The following PHAF1 variants were observed in gnomAD, a reference collection of about 807,000 sequenced individuals.
PHAF1 encodes phagosome assembly factor 1.
A neutral mutation model predicts 63.1 loss-of-function variants in PHAF1; 23 were observed. The observed-to-expected ratio is 0.36, with a 90% CI of 0.26 to 0.52. The LOEUF (loss-of-function observed/expected upper bound fraction) is 0.52. Among genes scored for constraint, PHAF1 ranks in the 20% least tolerant of loss-of-function variants. The pLI, the probability that PHAF1 is intolerant of heterozygous loss-of-function variation, is 0.93. For synonymous variants in PHAF1, 167 were observed against 185.0 expected (o/e 0.90, Z 0.79); for missense variants, 427 against 517.2 (o/e 0.83, Z 1.69).
chr16:67,144,272 G>A (rs770550364), intron 10 of PHAF1, 22 bp from the exon 11 acceptor site: 2 of 1,577,294 alleles, frequency 1.3e-6, no homozygotes, highest in South Asian at 2.2e-5. Context: ...CCCTCCTTGA[G>A]TACCCTTGTT....
Position 67,110,089 on chromosome 16 carries a change from G to A in PHAF1, c.-87G>A. On this transcript the variant is annotated 5_prime_UTR_variant, in exon 1 of 16. Transcript: ENST00000219139. ...GGGGCTGTGGCGGGCCGGCGGGGGCGGCCTGTCAGCCGCTGCTTTGTCTCC... is the reference window on the plus strand; with the variant it reads ...GGGGCTGTGGCGGGCCGGCGGGGGCAGCCTGTCAGCCGCTGCTTTGTCTCC... 7.1e-7 allele frequency: 1 copy of A among 1,407,198 alleles called. No homozygotes were observed. The highest frequency in any genetic ancestry group is 2.2e-5 in the Admixed American group (1 of 45,608). 87.2% of individuals were successfully genotyped at this position (1,407,198 alleles called of 1,614,324 possible). A position where few individuals can be genotyped will look rare whatever the true frequency, so the allele number is the denominator to read the frequency against.
chr16:67,126,109 G>A, intron 3 of PHAF1, 67 bp downstream of exon 3: 1 of 1,210,436 alleles, frequency 8.3e-7, no homozygotes, highest in Non-Finnish European at 1.2e-6. Flanking sequence ...TAATTAGTAT[G>A]TGCTATTGTG....
intron 8 of PHAF1, among the ~76,000 whole-genome samples, chr16:67,138,416 G>T (rs1042925671): frequency 6.6e-6 from 1 of 152,162 alleles, no homozygotes; most frequent in African/African-American, 2.4e-5. Context: ...TTACACATGA[G>T]AGAACTTTGA....
chr16:67,144,718 G>C, intron 11 of PHAF1, 116 bp from the exon 12 acceptor site: 1 of 1,218,760 alleles, frequency 8.2e-7, no homozygotes, highest in Non-Finnish European at 1.2e-6. Context: ...GGCACTCAGA[G>C]CCAGGGCTTT....
At chr16:67,116,805 G>A (rs575327942) in intron 1 of PHAF1, among the ~76,000 whole-genome samples, 137 of 152,148 alleles carry the variant, frequency 9.0e-4, no homozygotes, top group Middle Eastern at 6.8e-3. Flanking sequence ...AGCCAAGATT[G>A]CACCACTACA....
At chr16:67,143,963 GT>G (rs1963900793) in intron 10 of PHAF1, among the ~76,000 whole-genome samples, 1 of 152,046 alleles carries the variant, frequency 6.6e-6, no homozygotes, top group Non-Finnish European at 1.5e-5. Context: ...ACAGCCAGGC[GT>G]GGTGGTGGGC....
chr16:67,132,345 A>G (rs1597205494), intron 4 of PHAF1, 101 bp from the exon 5 acceptor site: 7 of 1,036,002 alleles, frequency 6.8e-6, no homozygotes. Flanking sequence ...TTAGAGACTC[A>G]CCTGCCTGTG....
intron 4 of PHAF1, 140 bp from the exon 5 acceptor site, chr16:67,132,306 C>T: frequency 1.4e-6 from 1 of 739,544 alleles, no homozygotes; most frequent in East Asian, 2.7e-5. Context: ...TTTAAAAGTT[C>T]TCTAATTAAG....
At position 67,110,116 on chromosome 16, in the gene PHAF1, T is replaced by C. The variant is rs1962446149; in HGVS notation, c.-60T>C. On this transcript the variant is annotated 5_prime_UTR_variant, in exon 1 of 16. Coordinates refer to ENST00000219139, the MANE Select transcript of PHAF1 (RefSeq NM_025187.5). ...CCTGTCAGCCGCTGCTTTGTCTCCT[T>C]AGCTCGGGTCCCTTCTGCGCTGCCG... is the stretch of plus-strand genomic sequence containing the variant. 1 of 1,536,810 alleles carries C rather than the reference T, an allele frequency of 6.5e-7. No homozygotes were observed. The highest frequency in any genetic ancestry group is 1.4e-5 in the African/African-American group (1 of 72,746).
intron 12 of PHAF1, 31 bp from the exon 13 acceptor site, chr16:67,145,345 A>G (rs750002772): frequency 1.2e-6 from 2 of 1,613,428 alleles, no homozygotes; most frequent in Non-Finnish European, 1.7e-6. Context: ...TGGGCCAGCT[A>G]CAAATCTGCC....
At chr16:67,133,145 G>T (rs572507258) in intron 6 of PHAF1, among the ~76,000 whole-genome samples, 1 of 152,266 alleles carries the variant, frequency 6.6e-6, no homozygotes, top group African/African-American at 2.4e-5. Context: ...AGTGAGGTCA[G>T]GCTCACTTTT....
At chr16:67,113,788 G>A (rs140868667) in intron 1 of PHAF1, among the ~76,000 whole-genome samples, 5,321 of 147,788 alleles carry the variant, frequency 0.036, 140 homozygotes, top group South Asian at 0.077. Context: ...TTACTCTGTC[G>A]CCCAGGCTGG....
At chr16:67,113,668 C>CA (rs1743721747) in intron 1 of PHAF1, among the ~76,000 whole-genome samples, 1 of 151,714 alleles carries the variant, frequency 6.6e-6, no homozygotes, top group African/African-American at 2.4e-5. Flanking sequence ...CCAGGATGGT[C>CA]TTGATCTCCT....
At chr16:67,136,112 T>A (rs968784412) in intron 8 of PHAF1, 1 of 152,204 alleles carries the variant, frequency 6.6e-6, no homozygotes, top group Non-Finnish European at 1.5e-5. Flanking sequence ...AAGACCAGCC[T>A]GACCAATATG....
intron 10 of PHAF1, among the ~76,000 whole-genome samples, chr16:67,143,256 G>A (rs768603273): frequency 7.2e-5 from 11 of 152,204 alleles, no homozygotes; most frequent in Non-Finnish European, 1.3e-4. Flanking sequence ...CAGGTGACTT[G>A]GCCAGCATGG....
Position 67,140,600 on chromosome 16 carries a change from T to C in PHAF1, c.879+6T>C, listed in dbSNP as rs1374301114. 1.3e-6 allele frequency: 2 copies of C among 1,564,914 alleles called. No homozygotes were observed. Among genetic ancestry groups the C allele is most frequent in the African/African-American group, 1.4e-5 (1 of 73,800 alleles). On this transcript the variant is annotated splice_donor_region_variant and intron_variant, in intron 10 of 15. Coordinates refer to ENST00000219139, the MANE Select transcript of PHAF1 (RefSeq NM_025187.5). Reference sequence around the variant, plus strand: ...ACTACTTCACTCTTGGAGTGGTAAGTTGTGATTCCTCAGAGAAGCCCTTCA... The same window carrying C: ...ACTACTTCACTCTTGGAGTGGTAAGCTGTGATTCCTCAGAGAAGCCCTTCA...
chr16:67,127,971 A>G (rs1402548978), intron 3 of PHAF1, among the ~76,000 whole-genome samples: 3 of 152,210 alleles, frequency 2.0e-5, no homozygotes, highest in Non-Finnish European at 4.4e-5. Context: ...TGGGCAACAA[A>G]AGGGATGTCC....
intron 3 of PHAF1, 76 bp downstream of exon 3, chr16:67,126,118 T>A: frequency 2.6e-6 from 3 of 1,151,416 alleles, no homozygotes; most frequent in Admixed American, 1.8e-5. Flanking sequence ...TGTGCTATTG[T>A]GAGATGTTTC....
In PHAF1 at chr16:67,144,380, A is replaced by C. The variant is rs1371200829; in HGVS notation, c.962+4A>C. Reference sequence around the variant, plus strand: ...CTGGGCATTATAATTTCAACATGTGAGTACACCTGTCTGTACCTCCCCTCT... The same window carrying C: ...CTGGGCATTATAATTTCAACATGTGCGTACACCTGTCTGTACCTCCCCTCT... On this transcript the variant is annotated splice_donor_region_variant and intron_variant, in intron 11 of 15. Coordinates refer to ENST00000219139, the MANE Select transcript of PHAF1 (RefSeq NM_025187.5). The C allele has an allele frequency of 6.3e-7, 1 of 1,584,430 alleles. No homozygotes were observed. The highest frequency in any genetic ancestry group is 1.3e-5 in the African/African-American group (1 of 74,274).
Sources: allele counts gnomAD v4.1 joint callset (sites outside exome capture counted in the v4.1 genomes callset), GRCh38; gene constraint gnomAD v4.1.1; transcripts MANE v1.5; gene names NCBI Gene and HGNC (gene_info 2026-07-23, HGNC 2026-07-21).